The following HDAC9 variants were observed in gnomAD, a reference collection of about 807,000 sequenced individuals.
HDAC9 encodes histone deacetylase 9.
In HDAC9, 41 loss-of-function variants were observed where a neutral mutation model predicts 139.4. That is an observed-to-expected ratio of 0.29 (90% CI 0.23 to 0.38). The LOEUF (loss-of-function observed/expected upper bound fraction) is 0.38. HDAC9 is among the 10% of genes least tolerant of loss of function. The probability of loss-of-function intolerance (pLI) is 1.00; values close to 1 mark genes in which losing one functional copy is unlikely to be tolerated. For synonymous variants in HDAC9, 517 were observed against 476.2 expected, an observed-to-expected ratio of 1.09 and a Z score of -1.12; for missense variants, 1,147 against 1,297.0, an observed-to-expected ratio of 0.88 and a Z score of 1.78.
intron 1 of HDAC9, among the ~76,000 whole-genome samples, chr7:18,357,031 C>T: frequency 6.6e-6 from 1 of 152,078 alleles, no homozygotes; most frequent in East Asian, 1.9e-4. Flanking sequence ...AATGCCTTAC[C>T]TCTTCTCATC....
At chr7:18,385,161 C>T (rs1408684547) in intron 1 of HDAC9, among the ~76,000 whole-genome samples, 1 of 152,076 alleles carries the variant, frequency 6.6e-6, no homozygotes, top group Non-Finnish European at 1.5e-5. Flanking sequence ...ACCCTTAATT[C>T]TATGTGTGAT....
At chr7:18,712,149 T>C (rs1784391559) in intron 12 of HDAC9, among the ~76,000 whole-genome samples, 1 of 152,140 alleles carries the variant, frequency 6.6e-6, no homozygotes, top group Non-Finnish European at 1.5e-5. Context: ...CTTTAAGTCT[T>C]CCTTAAATTT....
chr7:18,214,608 G>T (rs1425672832), intron 2 of HDAC9, among the ~76,000 whole-genome samples: 1 of 151,966 alleles, frequency 6.6e-6, no homozygotes, highest in Non-Finnish European at 1.5e-5. Flanking sequence ...GAAGAAATTG[G>T]TAAGCACTTG....
At chr7:18,174,835 C>G (rs1054707571) in intron 2 of HDAC9, among the ~76,000 whole-genome samples, 1 of 152,138 alleles carries the variant, frequency 6.6e-6, no homozygotes, top group African/African-American at 2.4e-5. Flanking sequence ...AACTTCATCC[C>G]AGATGGGCAC....
At chr7:18,959,692 C>T (rs971302427) in intron 24 of HDAC9, among the ~76,000 whole-genome samples, 21 of 152,146 alleles carry the variant, frequency 1.4e-4, no homozygotes, top group African/African-American at 4.8e-4. Context: ...TGCTTTTCCA[C>T]GTTGGCGCTA....
intron 1 of HDAC9, among the ~76,000 whole-genome samples, chr7:18,452,757 C>G (rs930679616): frequency 6.6e-6 from 1 of 152,176 alleles, no homozygotes; most frequent in African/African-American, 2.4e-5. Context: ...CACATGCTCT[C>G]TTGCCTGCCG....
intron 1 of HDAC9, among the ~76,000 whole-genome samples, chr7:18,398,346 G>A (rs1787239867): frequency 1.3e-5 from 2 of 152,098 alleles, no homozygotes; most frequent in African/African-American, 4.8e-5. Context: ...TATTTTCCAT[G>A]TAGAAAAGAA....
At chr7:18,669,857 T>G (rs1795556938) in intron 12 of HDAC9, among the ~76,000 whole-genome samples, 1 of 151,838 alleles carries the variant, frequency 6.6e-6, no homozygotes, top group Admixed American at 6.6e-5. Flanking sequence ...AAGTAAAAAT[T>G]CACCTTCTCA....
intron 1 of HDAC9, among the ~76,000 whole-genome samples, chr7:18,447,829 C>T (rs1434942348): frequency 6.6e-6 from 1 of 152,102 alleles, no homozygotes; most frequent in Non-Finnish European, 1.5e-5. Flanking sequence ...ATTGAAAGAA[C>T]ACAACTAGAG....
At chr7:18,391,419 A>G (rs978747668) in intron 1 of HDAC9, among the ~76,000 whole-genome samples, 5 of 151,784 alleles carry the variant, frequency 3.3e-5, no homozygotes, top group African/African-American at 4.8e-5. Flanking sequence ...AAAAGAAGAG[A>G]GAACATTGTG....
chr7:18,591,688 A>C (rs56252529), intron 5 of HDAC9, 46 bp downstream of exon 5: 31,923 of 1,603,392 alleles, frequency 0.02, 399 homozygotes, highest in South Asian at 0.037. Context: ...TAAAGAACAC[A>C]GGTTCTGTAT....
intron 1 of HDAC9, among the ~76,000 whole-genome samples, chr7:18,352,904 G>T (rs921626898): frequency 2.0e-5 from 3 of 152,012 alleles, no homozygotes; most frequent in South Asian, 2.1e-4. Flanking sequence ...CACCATATAG[G>T]GTGTTGCAGA....
At chr7:18,854,765 C>T (rs907665311) in intron 21 of HDAC9, among the ~76,000 whole-genome samples, 3 of 151,452 alleles carry the variant, frequency 2.0e-5, no homozygotes, top group African/African-American at 7.3e-5. Flanking sequence ...GGAGCCACTA[C>T]AGCAAGAAAA....
At chr7:18,533,486 T>C (rs773669060) in intron 2 of HDAC9, among the ~76,000 whole-genome samples, 17 of 152,342 alleles carry the variant, frequency 1.1e-4, no homozygotes, top group Non-Finnish European at 2.1e-4. Flanking sequence ...AATGATAGAT[T>C]TGTATGACTG....
intron 12 of HDAC9, among the ~76,000 whole-genome samples, chr7:18,689,452 C>T (rs1382826883): frequency 6.6e-6 from 1 of 151,738 alleles, no homozygotes; most frequent in Non-Finnish European, 1.5e-5. Flanking sequence ...GATTTAAAGG[C>T]AAAGAGGAAG....
chr7:18,129,167 G>T (rs1486300197), intron 1 of HDAC9, among the ~76,000 whole-genome samples: 1 of 152,122 alleles, frequency 6.6e-6, no homozygotes, highest in Non-Finnish European at 1.5e-5. Flanking sequence ...TCACTGAATA[G>T]ATTTCATTAT....
rs564270004 is a variant in HDAC9 at position 18,135,193 on chromosome 7, T to G, written c.-96-27036T>G. ...TAATGAAGTAGGAAATGTCTTACTA[T>G]TTTGACAAAAATACAAAATCCTCTT... On this transcript the variant is annotated intron_variant, in intron 1 of 12. Transcript: ENST00000417496. Among the ~76,000 whole-genome samples the G allele has an allele frequency of 2.6e-5, 4 of 152,158 alleles. No homozygotes were observed. In the East Asian group the frequency reaches 7.7e-4, roughly 29 times the overall value.
intron 1 of HDAC9, among the ~76,000 whole-genome samples, chr7:18,159,812 A>C (rs1456820701): frequency 6.6e-6 from 1 of 152,224 alleles, no homozygotes; most frequent in Non-Finnish European, 1.5e-5. Context: ...TATTCAGATA[A>C]CATTTTCATA....
intron 1 of HDAC9, among the ~76,000 whole-genome samples, chr7:18,439,662 C>A (rs982580758): frequency 6.6e-6 from 1 of 152,130 alleles, no homozygotes; most frequent in Non-Finnish European, 1.5e-5. Flanking sequence ...TTTGAGAAAT[C>A]AATTTAGTGG....
Sources: allele counts gnomAD v4.1 joint callset (sites outside exome capture counted in the v4.1 genomes callset), GRCh38; gene constraint gnomAD v4.1.1; transcripts MANE v1.5; gene names NCBI Gene and HGNC (gene_info 2026-07-23, HGNC 2026-07-21).